MASP1: variants seen among roughly 807,000 people sequenced by gnomAD.
MASP1 encodes mannan-binding lectin serine protease 1.
In MASP1, 59 loss-of-function variants were observed where a neutral mutation model predicts 77.1. That is an observed-to-expected ratio of 0.77 (90% CI 0.62 to 0.95). MASP1 has a LOEUF of 0.95. MASP1 is among the 40% of genes least tolerant of loss of function. MASP1 has a pLI of 0.00. For missense variants in MASP1, 885 were observed against 912.9 expected, an observed-to-expected ratio of 0.97 and a Z score of 0.39; for synonymous variants, 362 against 354.5, an observed-to-expected ratio of 1.02 and a Z score of -0.24.
At chr3:187,225,972 G>A (rs1712403486) in intron 12 of MASP1, among the ~76,000 whole-genome samples, 1 of 152,182 alleles carries the variant, frequency 6.6e-6, no homozygotes, top group South Asian at 2.1e-4. Context: ...AGCTCCCTGT[G>A]GGCAGAAACT....
intron 2 of MASP1, among the ~76,000 whole-genome samples, chr3:187,269,428 T>A (rs1267261401): frequency 6.6e-6 from 1 of 152,196 alleles, no homozygotes; most frequent in Non-Finnish European, 1.5e-5. Flanking sequence ...GCCTCAGGTT[T>A]CTATGTACAG....
At chr3:187,286,152 T>A in intron 1 of MASP1, 96 bp from the exon 2 acceptor site, 1 of 999,254 alleles carries the variant, frequency 1.0e-6, no homozygotes, top group Non-Finnish European at 1.5e-6. Context: ...TCAGCATGTC[T>A]CTGTCTCTGG....
At position 187,235,635 on chromosome 3, in the gene MASP1, G is replaced by A; in HGVS notation, c.*49C>T. The stretch of plus-strand genomic sequence containing the variant: ...TAATGTGGAGTGTGCTGTCGGAAGT[G>A]CGGTGTAGCTTCGCTCAGGGGAGGC... On this transcript the variant is annotated 3_prime_UTR_variant, in exon 11 of 11. Coordinates refer to ENST00000296280, the MANE Select transcript of MASP1 (RefSeq NM_139125.4). 6.2e-7 allele frequency: 1 copy of A among 1,610,514 alleles called. No individual in the cohort carries two copies.
intron 1 of MASP1, among the ~76,000 whole-genome samples, chr3:187,287,244 T>C (rs1184285302): frequency 6.6e-6 from 1 of 152,122 alleles, no homozygotes; most frequent in African/African-American, 2.4e-5. Context: ...TCCCACCTCA[T>C]CTCAGTAGCC....
chr3:187,277,899 G>A (rs1220082221), intron 2 of MASP1, among the ~76,000 whole-genome samples: 1 of 152,174 alleles, frequency 6.6e-6, no homozygotes. Flanking sequence ...TCCATAAATT[G>A]CTAGAAAAAA....
chr3:187,243,970 T>C (rs1713872299), intron 8 of MASP1: 1 of 322,362 alleles, frequency 3.1e-6, no homozygotes. Flanking sequence ...TGTGCAATCC[T>C]CTCTGCCTCT....
At chr3:187,250,957 G>A (rs1184082203) in intron 7 of MASP1, among the ~76,000 whole-genome samples, 1 of 152,050 alleles carries the variant, frequency 6.6e-6, no homozygotes, top group Non-Finnish European at 1.5e-5. Context: ...GAACCCATCT[G>A]TTCCTTTTTT....
At chr3:187,278,555 C>T (rs1242493703) in intron 2 of MASP1, among the ~76,000 whole-genome samples, 1 of 152,170 alleles carries the variant, frequency 6.6e-6, no homozygotes, top group African/African-American at 2.4e-5. Flanking sequence ...AAATTTAGAC[C>T]AGCATTTCCA....
chr3:187,261,824 T>C (rs1715602909), intron 3 of MASP1, among the ~76,000 whole-genome samples: 2 of 152,218 alleles, frequency 1.3e-5, no homozygotes, highest in Non-Finnish European at 2.9e-5. Context: ...AGATTCCAAG[T>C]AGCCGTCAAT....
intron 10 of MASP1, among the ~76,000 whole-genome samples, chr3:187,238,915 G>A (rs766316183): frequency 6.6e-5 from 10 of 152,270 alleles, no homozygotes; most frequent in East Asian, 3.9e-4. Flanking sequence ...AGTGTTTTGC[G>A]AAGAGAGAAT....
intron 8 of MASP1, chr3:187,243,960 T>C (rs1199615493): frequency 5.7e-6 from 2 of 352,958 alleles, no homozygotes; most frequent in Non-Finnish European, 1.1e-5. Context: ...CTAGTTTTAT[T>C]GTGCAATCCT....
At position 187,235,654 on chromosome 3, in the gene MASP1, G is replaced by A. The variant is rs770829951; in HGVS notation, c.*30C>T. Reference sequence around the variant, plus strand: ...GGAAGTGCGGTGTAGCTTCGCTCAGGGGAGGCAGGCCCCGAGGAAGTAAGT... The same window carrying A: ...GGAAGTGCGGTGTAGCTTCGCTCAGAGGAGGCAGGCCCCGAGGAAGTAAGT... On this transcript the variant is annotated 3_prime_UTR_variant, in exon 11 of 11. Coordinates refer to ENST00000296280, the MANE Select transcript of MASP1 (RefSeq NM_139125.4). 22 of 1,613,014 alleles carry A rather than the reference G, an allele frequency of 1.4e-5. No individual in the cohort carries two copies. In the Middle Eastern group the frequency reaches 1.5e-3, roughly 109 times the overall value.
Position 187,236,116 on chromosome 3 carries a change from G to A in MASP1, c.1755C>T (p.His585=). ...CCCAGCCGGCCACCAGGCCCAGCATGTGGGGGGCCGGGCCTTCAGGCTCAA... is the reference window on the plus strand; with the variant it reads ...CCCAGCCGGCCACCAGGCCCAGCATATGGGGGGCCGGGCCTTCAGGCTCAA... ...PRLEPEGPAP[H]MLGLVAGWGI... The change falls in exon 11 of 11, where the codon CAC becomes CAT. Residue 585 remains histidine (H), a synonymous_variant. Transcript: ENST00000296280. 6.2e-7 allele frequency: 1 copy of A among 1,613,950 alleles called. No individual in the cohort carries two copies.
chr3:187,283,839 C>G (rs994712035), intron 2 of MASP1, among the ~76,000 whole-genome samples: 3 of 152,150 alleles, frequency 2.0e-5, no homozygotes, highest in Admixed American at 6.5e-5. Flanking sequence ...GATTTTGTGA[C>G]CAACATTATT....
At chr3:187,248,764 T>C (rs569167594) in intron 8 of MASP1, among the ~76,000 whole-genome samples, 68 of 152,290 alleles carry the variant, frequency 4.5e-4, no homozygotes, top group Non-Finnish European at 2.6e-4. Flanking sequence ...AAACATTTTG[T>C]TAAAGTCATA....
intron 2 of MASP1, among the ~76,000 whole-genome samples, chr3:187,281,254 C>A (rs537389336): frequency 1.3e-5 from 2 of 152,326 alleles, no homozygotes; most frequent in South Asian, 4.1e-4. Flanking sequence ...TGTGAGCATC[C>A]GGACCACAGA....
At chr3:187,232,338 A>G (rs1211616065), downstream of MASP1, among the ~76,000 whole-genome samples, 1 of 149,132 alleles carries the variant, frequency 6.7e-6, no homozygotes, top group South Asian at 2.1e-4. Context: ...CCCGTAGATG[A>G]TGCCCTCTAC....
intron 2 of MASP1, among the ~76,000 whole-genome samples, chr3:187,267,303 T>C (rs973978487): frequency 1.5e-4 from 23 of 152,222 alleles, no homozygotes; most frequent in African/African-American, 5.3e-4. Flanking sequence ...AGCTATCTCC[T>C]GGAGCCTTTC....
chr3:187,223,327 T>C (rs1712181393), intron 13 of MASP1: 2 of 788,514 alleles, frequency 2.5e-6, no homozygotes, highest in Non-Finnish European at 2.2e-6. Flanking sequence ...GGTGGTGTGG[T>C]GGGGAGGAAG....
Sources: allele counts gnomAD v4.1 joint callset (sites outside exome capture counted in the v4.1 genomes callset), GRCh38; gene constraint gnomAD v4.1.1; transcripts MANE v1.5; gene names NCBI Gene and HGNC (gene_info 2026-07-23, HGNC 2026-07-21).